Variants in EML5 observed in about 807,000 individuals in gnomAD.
EML5 encodes EMAP like 5.
Under a neutral mutation model 250.0 loss-of-function variants are expected in EML5, and 120 were observed. The ratio of observed to expected loss-of-function variants is 0.48; its 90% CI spans 0.41 to 0.56. The LOEUF (loss-of-function observed/expected upper bound fraction) is 0.56. EML5 is among the 20% of genes least tolerant of loss of function. The pLI, the probability that EML5 is intolerant of heterozygous loss-of-function variation, is 0.00. For synonymous variants in EML5, 771 were observed against 806.5 expected, an observed-to-expected ratio of 0.96 and a Z score of 0.75; for missense variants, 2,006 against 2,437.6, an observed-to-expected ratio of 0.82 and a Z score of 3.73.
At chr14:88,622,004 C>T (rs1328349808) in intron 37 of EML5, 1 of 384,434 alleles carries the variant, frequency 2.6e-6, no homozygotes, top group Non-Finnish European at 5.3e-6. Flanking sequence ...AACTTGTATC[C>T]TTTAACCAGT....
At position 88,616,162 on chromosome 14, in the gene EML5, A is replaced by T; in HGVS notation, c.5877T>A (p.Ser1959Arg). 1 of 1,613,930 alleles carries T rather than the reference A, an allele frequency of 6.2e-7. No homozygotes were observed. Among genetic ancestry groups the T allele is most frequent in the Non-Finnish European group, 8.5e-7 (1 of 1,179,818 alleles). ...CTAACCTGCAGTCATCACCTCCAGCACTAACAACATGTCGATCACCACTGG... is the reference window on the plus strand; with the variant it reads ...CTAACCTGCAGTCATCACCTCCAGCTCTAACAACATGTCGATCACCACTGG... ...RFTSGDRHVV[S>R]AGGDDCSLFV... Residue 1959 changes from serine (S) to arginine (R), a missense_variant, in exon 43 of 44, where the codon AGT (serine) becomes AGA (arginine). Ser to Arg is a moderately radical substitution (Grantham distance 110). Around this residue, in one of 7 missense-constraint regions of EML5, gnomAD observed 56 missense variants for 55.1 expected, o/e 1.02. Transcript: ENST00000554922.
At chr14:88,671,869 G>A (rs1418844935) in intron 21 of EML5, among the ~76,000 whole-genome samples, 2 of 152,144 alleles carry the variant, frequency 1.3e-5, no homozygotes, top group African/African-American at 4.8e-5. Context: ...AAATATACAT[G>A]CACCCAGTTC....
intron 1 of EML5, among the ~76,000 whole-genome samples, chr14:88,759,680 T>C (rs1399571642): frequency 3.5e-5 from 2 of 56,538 alleles, no homozygotes; most frequent in African/African-American, 1.6e-4. Flanking sequence ...CAAGTCACCA[T>C]CTCTTAAAAA....
At chr14:88,692,891 A>C (rs1244524954) in intron 17 of EML5, among the ~76,000 whole-genome samples, 1 of 152,212 alleles carries the variant, frequency 6.6e-6, no homozygotes, top group Non-Finnish European at 1.5e-5. Flanking sequence ...AAATGTCTTC[A>C]CTAAGTTTAT....
At chr14:88,622,805 C>CTTTT in intron 36 of EML5, 87 bp from the exon 37 acceptor site, 1 of 514,246 alleles carries the variant, frequency 1.9e-6, no homozygotes, top group Non-Finnish European at 3.0e-6. Flanking sequence ...TAAGCAGAAT[C>CTTTT]TTTTTTTTTT....
At chr14:88,728,327 AGTTAGAAGC>A (rs1380640233) in intron 7 of EML5, among the ~76,000 whole-genome samples, 1 of 83,232 alleles carries the variant, frequency 1.2e-5, no homozygotes, top group African/African-American at 4.6e-5. Flanking sequence ...ATAATGCACC[AGTTAGAAGC>A]ACCAATTCCC....
intron 9 of EML5, among the ~76,000 whole-genome samples, chr14:88,714,162 CA>C (rs1362901573): frequency 6.6e-6 from 1 of 151,392 alleles, no homozygotes; most frequent in African/African-American, 2.4e-5. Flanking sequence ...GAGATAAACA[CA>C]AAAAAAATGT....
At chr14:88,658,413 A>G (rs2091949661) in intron 25 of EML5, 25 bp from the exon 26 acceptor site, 2 of 1,516,806 alleles carry the variant, frequency 1.3e-6, no homozygotes, top group East Asian at 4.6e-5. Flanking sequence ...AATTCAAACA[A>G]TCTTTCTGAG....
At chr14:88,642,512 T>C (rs957036632) in intron 31 of EML5, among the ~76,000 whole-genome samples, 2 of 152,122 alleles carry the variant, frequency 1.3e-5, no homozygotes, top group African/African-American at 2.4e-5. Context: ...TCACCCAACA[T>C]GCTACATTCA....
chr14:88,685,229 G>C, intron 19 of EML5, 87 bp from the exon 20 acceptor site: 1 of 1,143,922 alleles, frequency 8.7e-7, no homozygotes, highest in Non-Finnish European at 1.2e-6. Context: ...TATTTTGACA[G>C]TGAAAATCAC....
At chr14:88,630,312 G>A (rs894524067) in intron 33 of EML5, among the ~76,000 whole-genome samples, 1 of 152,076 alleles carries the variant, frequency 6.6e-6, no homozygotes, top group Non-Finnish European at 1.5e-5. Context: ...TTACAGGCAT[G>A]AGCCACCATG....
intron 8 of EML5, among the ~76,000 whole-genome samples, chr14:88,723,263 A>C (rs978472227): frequency 2.6e-5 from 4 of 152,194 alleles, no homozygotes; most frequent in African/African-American, 9.6e-5. Flanking sequence ...AATTTTAAAA[A>C]ATAATTTTAG....
In EML5 at chr14:88,670,845, A is replaced by C. The variant is rs1166312502; in HGVS notation, c.3125-5356T>G. 2.0e-5 allele frequency among the ~76,000 whole-genome samples: 3 copies of C among 152,260 alleles called. No homozygotes were observed. The South Asian group carries it at 6.2e-4, about 32-fold the overall frequency. On this transcript the variant is annotated intron_variant, in intron 21 of 43. Transcript: ENST00000554922. ...AGCTTGAAGACTATCTTGCTGAAATAAGATACACTACAAGATTAGAGAAAA... is the reference window on the plus strand; with the variant it reads ...AGCTTGAAGACTATCTTGCTGAAATCAGATACACTACAAGATTAGAGAAAA...
chr14:88,763,754 T>C (rs1327190525), intron 1 of EML5, among the ~76,000 whole-genome samples: 2 of 152,150 alleles, frequency 1.3e-5, no homozygotes, highest in African/African-American at 2.4e-5. Context: ...GCAAAAATAC[T>C]CAATAAAATA....
intron 34 of EML5, chr14:88,627,263 A>G (rs2090055616): frequency 7.0e-6 from 4 of 572,142 alleles, no homozygotes; most frequent in Non-Finnish European, 1.2e-5. Context: ...TATATAACGT[A>G]AATGTTTTGT....
At chr14:88,739,532 T>C (rs2093894187) in intron 5 of EML5, among the ~76,000 whole-genome samples, 1 of 152,062 alleles carries the variant, frequency 6.6e-6, no homozygotes, top group Admixed American at 6.5e-5. Flanking sequence ...GAATTATACA[T>C]GAACTTAAAA....
At chr14:88,689,612 T>C (rs1566639181) in intron 17 of EML5, among the ~76,000 whole-genome samples, 1 of 152,152 alleles carries the variant, frequency 6.6e-6, no homozygotes, top group Non-Finnish European at 1.5e-5. Context: ...TGTACGCCTG[T>C]GGTCCCAGCC....
intron 1 of EML5, 90 bp from the exon 2 acceptor site, chr14:88,754,761 G>T: frequency 9.5e-7 from 1 of 1,052,462 alleles, no homozygotes; most frequent in Non-Finnish European, 1.4e-6. Flanking sequence ...ACATATACCA[G>T]TGTGAACATT....
Position 88,681,984 on chromosome 14 carries a change from C to T in EML5, c.3030G>A (p.Leu1010=). 2 of 1,612,874 alleles carry T rather than the reference C, an allele frequency of 1.2e-6. No individual in the cohort carries two copies. Among genetic ancestry groups the T allele is most frequent in the Non-Finnish European group, 1.7e-6 (2 of 1,179,482 alleles). The change falls in exon 21 of 44, where the codon CTG becomes CTA. Residue 1010 remains leucine, a synonymous_variant. Coordinates refer to ENST00000554922, the MANE Select transcript of EML5 (RefSeq NM_183387.3). ...CATCGCTTACAGTAGCACAGATGGG[C>T]AGATAAGGGTGTGTAGCTAAACCCC... The part of the protein sequence containing the change: ...EVWGLATHPY[L]PICATVSDDK...
Sources: gnomAD v4.1 joint callset for allele counts (sites outside exome capture counted in the v4.1 genomes callset) on GRCh38, gnomAD v4.1.1 for gene constraint, gnomAD v4.1.1 regional missense constraint, MANE v1.5 for transcripts, NCBI Gene and HGNC (gene_info 2026-07-23, HGNC 2026-07-21) for gene names.